Variants in EIF4E observed in about 807,000 individuals in gnomAD.
EIF4E encodes the protein eIF-4F 25 kDa subunit.
For missense variants in EIF4E, 113 were observed against 265.6 expected, an observed-to-expected ratio of 0.43 and a Z score of 3.99; for synonymous variants, 71 against 88.5, an observed-to-expected ratio of 0.80 and a Z score of 1.11.
At chr4:98,902,900 C>T (rs1048292315) in intron 1 of EIF4E, among the ~76,000 whole-genome samples, 1 of 152,120 alleles carries the variant, frequency 6.6e-6, no homozygotes, top group African/African-American at 2.4e-5. Flanking sequence ...GTAAAGTGAT[C>T]AAGCCAATGA....
chr4:98,927,236 T>TA (rs751599294), intron 1 of EIF4E, among the ~76,000 whole-genome samples: 3 of 152,098 alleles, frequency 2.0e-5, no homozygotes, highest in African/African-American at 2.4e-5. Context: ...CTGGTGCCAA[T>TA]AAAAAAACAA....
At chr4:98,909,718 T>A in intron 1 of EIF4E, 1 of 708,134 alleles carries the variant, frequency 1.4e-6, no homozygotes, top group South Asian at 1.5e-5. Context: ...TTTAATGGCA[T>A]CATTTTCACC....
At chr4:98,922,850 C>CTTTT (rs112293850) in intron 1 of EIF4E, among the ~76,000 whole-genome samples, 2 of 136,704 alleles carry the variant, frequency 1.5e-5, no homozygotes, top group Non-Finnish European at 3.1e-5. Flanking sequence ...TTTCTTTTTT[C>CTTTT]TTTTTTTTTT....
At chr4:98,891,412 G>T in intron 2 of EIF4E, 80 bp from the exon 3 acceptor site, 1 of 1,302,470 alleles carries the variant, frequency 7.7e-7, no homozygotes, top group Non-Finnish European at 1.1e-6. Context: ...AAGTCAAAAG[G>T]TAGAAGCAAC....
chr4:98,903,999 G>A (rs930180922), intron 1 of EIF4E, among the ~76,000 whole-genome samples: 3 of 152,092 alleles, frequency 2.0e-5, no homozygotes, highest in African/African-American at 4.8e-5. Flanking sequence ...TGGGGGACAG[G>A]GTACCAGAGA....
At chr4:98,907,279 T>C (rs1276595065) in intron 1 of EIF4E, among the ~76,000 whole-genome samples, 1 of 152,188 alleles carries the variant, frequency 6.6e-6, no homozygotes, top group Non-Finnish European at 1.5e-5. Flanking sequence ...GAAACCTACT[T>C]TTCCTACTTT....
In EIF4E at chr4:98,920,677, G is replaced by GA. The variant is rs1163331902; in HGVS notation, c.18+8417dup. Among the ~76,000 whole-genome samples, 5 of 149,704 alleles carry GA rather than the reference G, an allele frequency of 3.3e-5. 1 individual carries two copies. The South Asian group carries it at 8.4e-4, about 25-fold the overall frequency. On this transcript the variant is annotated intron_variant, in intron 1 of 6. Coordinates refer to ENST00000450253, the MANE Select transcript of EIF4E (RefSeq NM_001968.5). ...ACCATGAGTATGTAACTAAGTCAAAGAAAAAAAACAAAAAATAAAGAAAAG... is the reference window on the plus strand; with the variant it reads ...ACCATGAGTATGTAACTAAGTCAAAGAAAAAAAAACAAAAAATAAAGAAAAG...
At chr4:98,901,841 CCTAA>C in intron 2 of EIF4E, 31 bp downstream of exon 2, 1 of 1,581,622 alleles carries the variant, frequency 6.3e-7, no homozygotes, top group Non-Finnish European at 8.7e-7. Context: ...TACCTTGTGG[CCTAA>C]CTCAGAAAAC....
chr4:98,886,515 A>C (rs1247718020), intron 5 of EIF4E: 1 of 436,256 alleles, frequency 2.3e-6, no homozygotes, highest in Non-Finnish European at 4.6e-6. Flanking sequence ...GAAGTTTGAG[A>C]CCAACCTGGG....
At chr4:98,926,229 C>T (rs1033484309) in intron 1 of EIF4E, 1 of 151,888 alleles carries the variant, frequency 6.6e-6, no homozygotes, top group African/African-American at 2.4e-5. Flanking sequence ...AGCCTGTGCA[C>T]AAGGGTATAT....
At chr4:98,900,541 G>T (rs1724602428) in intron 2 of EIF4E, among the ~76,000 whole-genome samples, 1 of 152,116 alleles carries the variant, frequency 6.6e-6, no homozygotes, top group Non-Finnish European at 1.5e-5. Context: ...AGTAGAGAGT[G>T]AATGGTCTGC....
chr4:98,896,382 A>T (rs1015244274), intron 2 of EIF4E, among the ~76,000 whole-genome samples: 7 of 145,914 alleles, frequency 4.8e-5, no homozygotes, highest in Non-Finnish European at 1.0e-4. Flanking sequence ...GGAATGGGAC[A>T]GGGATGGGGA....
At chr4:98,897,229 A>G (rs779502048) in intron 2 of EIF4E, among the ~76,000 whole-genome samples, 6 of 151,156 alleles carry the variant, frequency 4.0e-5, no homozygotes, top group Admixed American at 6.6e-5. Context: ...GTCACTGTAC[A>G]TTTATTACTA....
intron 1 of EIF4E, among the ~76,000 whole-genome samples, chr4:98,922,847 TTTC>T (rs1016227407): frequency 3.5e-5 from 5 of 141,542 alleles, no homozygotes; most frequent in African/African-American, 1.1e-4. Flanking sequence ...TTTTTTCTTT[TTTC>T]TTTTTTTTTT....
chr4:98,900,617 A>T (rs1387075782), intron 2 of EIF4E, among the ~76,000 whole-genome samples: 6 of 152,228 alleles, frequency 3.9e-5, no homozygotes, highest in Non-Finnish European at 7.3e-5. Flanking sequence ...AGAACCTCAG[A>T]AGTTAATTCC....
chr4:98,891,334 TA>T lies in EIF4E; in HGVS notation c.126-3del, dbSNP rs1357386890. On this transcript the variant is annotated splice_region_variant and splice_polypyrimidine_tract_variant and intron_variant, in intron 2 of 6. Coordinates refer to ENST00000450253, the MANE Select transcript of EIF4E (RefSeq NM_001968.5). Reference sequence around the variant, plus strand: ...TTTTTAAAAAACCAGAGTGCCCATCTAAAAATAAAAAATCAGTGTCAAAAAA... The same window carrying T: ...TTTTTAAAAAACCAGAGTGCCCATCTAAAATAAAAAATCAGTGTCAAAAAA... 3 of 1,610,592 alleles carry T rather than the reference TA, an allele frequency of 1.9e-6. No homozygotes were observed. In the South Asian group the frequency reaches 3.3e-5, roughly 18 times the overall value.
At chr4:98,912,483 G>A (rs1725194705) in intron 1 of EIF4E, among the ~76,000 whole-genome samples, 1 of 151,836 alleles carries the variant, frequency 6.6e-6, no homozygotes, top group Non-Finnish European at 1.5e-5. Flanking sequence ...GGCTGAGGCA[G>A]GAGAATCGCT....
intron 2 of EIF4E, among the ~76,000 whole-genome samples, chr4:98,897,777 A>T (rs1043535019): frequency 1.3e-5 from 2 of 152,238 alleles, no homozygotes; most frequent in South Asian, 2.1e-4. Context: ...GAAAGATTTC[A>T]TCTGCCACTG....
chr4:98,920,085 A>T (rs181461048), intron 1 of EIF4E, among the ~76,000 whole-genome samples: 3 of 152,304 alleles, frequency 2.0e-5, no homozygotes, highest in Admixed American at 6.5e-5. Flanking sequence ...TTCTAGTAGA[A>T]TCCTCAAAAA....
Sources: gnomAD v4.1 joint callset for allele counts (sites outside exome capture counted in the v4.1 genomes callset) on GRCh38, gnomAD v4.1.1 for gene constraint, MANE v1.5 for transcripts, NCBI Gene and HGNC (gene_info 2026-07-23, HGNC 2026-07-21) for gene names.